The following RSF1 variants were observed in gnomAD, a reference collection of about 807,000 sequenced individuals.
RSF1 encodes HBV pX-associated protein 8.
A neutral mutation model predicts 145.2 loss-of-function variants in RSF1; 13 were observed. The observed-to-expected ratio is 0.09, with a 90% confidence interval of 0.06 to 0.14. RSF1 has a LOEUF of 0.14. Among genes scored for constraint, RSF1 ranks in the 10% least tolerant of loss-of-function variants. The pLI is 1.00. For synonymous variants in RSF1, 577 were observed against 592.6 expected (o/e 0.97, Z 0.38); for missense variants, 1,517 against 1,718.2 (o/e 0.88, Z 2.07).
At chr11:77,764,363 C>T in intron 2 of RSF1, 1 of 416,294 alleles carries the variant, frequency 2.4e-6, no homozygotes, top group Non-Finnish European at 4.2e-6. Context: ...GTCCTGAGCA[C>T]AGTGTTAGGC....
the RSF1 span, chr11:77,855,502 TG>T: frequency 5.2e-6 from 1 of 192,136 alleles, no homozygotes; most frequent in Admixed American, 6.0e-5. Context: ...TCTTTTTTTT[TG>T]TATTTTTAGT....
the RSF1 span, among the ~76,000 whole-genome samples, chr11:77,852,224 C>CAAATAAAAAAAAA: frequency 3.0e-5 from 1 of 33,530 alleles, no homozygotes; most frequent in African/African-American, 1.8e-4. Context: ...GACACTGTCT[C>CAAATAAAAAAAAA]AAAAAAAAAA....
At chr11:77,777,099 CTT>C (rs1025411273) in intron 1 of RSF1, among the ~76,000 whole-genome samples, 7 of 152,112 alleles carry the variant, frequency 4.6e-5, no homozygotes, top group African/African-American at 1.7e-4. Flanking sequence ...ATGAACAAGA[CTT>C]TTTTTCTTCT....
intron 1 of RSF1, among the ~76,000 whole-genome samples, chr11:77,777,453 C>T (rs1360995842): frequency 3.3e-5 from 5 of 151,938 alleles, no homozygotes; most frequent in African/African-American, 9.7e-5. Flanking sequence ...ATTAGCCAGG[C>T]GTGGTGGCGG....
intron 1 of RSF1, among the ~76,000 whole-genome samples, chr11:77,784,271 A>G (rs1021666061): frequency 1.3e-5 from 2 of 152,198 alleles, no homozygotes; most frequent in African/African-American, 4.8e-5. Flanking sequence ...TGCAGCATCC[A>G]ATCTTCTGTG....
At chr11:77,753,573 C>T (rs1948085976) in intron 2 of RSF1, among the ~76,000 whole-genome samples, 1 of 152,196 alleles carries the variant, frequency 6.6e-6, no homozygotes, top group Non-Finnish European at 1.5e-5. Context: ...TTTCTTAAAA[C>T]ATGAGAATTT....
intron 5 of RSF1, among the ~76,000 whole-genome samples, chr11:77,707,446 T>G (rs1370742089): frequency 6.6e-6 from 1 of 152,204 alleles, no homozygotes; most frequent in Non-Finnish European, 1.5e-5. Context: ...TAAGGTATAC[T>G]GCATTGAAGA....
chr11:77,740,541 C>T (rs906339113), intron 4 of RSF1, among the ~76,000 whole-genome samples, 190 bp downstream of exon 4: 1 of 152,096 alleles, frequency 6.6e-6, no homozygotes, highest in Non-Finnish European at 1.5e-5. Context: ...TGAATATACT[C>T]ATTTACTTGA....
chr11:77,871,493 G>A, the RSF1 span, among the ~76,000 whole-genome samples: 1 of 152,198 alleles, frequency 6.6e-6, no homozygotes, highest in African/African-American at 2.4e-5. Context: ...TAAACGCAGT[G>A]AGGAAAATGG....
intron 2 of RSF1, among the ~76,000 whole-genome samples, chr11:77,758,672 T>A (rs1036127758): frequency 2.0e-5 from 3 of 152,244 alleles, no homozygotes; most frequent in East Asian, 3.8e-4. Flanking sequence ...CGGTTTTGAA[T>A]CACATTTCCC....
chr11:77,843,978 G>A, the RSF1 span, among the ~76,000 whole-genome samples: 2 of 152,198 alleles, frequency 1.3e-5, no homozygotes, highest in East Asian at 1.9e-4. Flanking sequence ...TCACTATCAC[G>A]AGAGCAGCAC....
upstream of RSF1, among the ~76,000 whole-genome samples, chr11:77,823,458 G>C (rs1949024666): frequency 6.6e-6 from 1 of 151,192 alleles, no homozygotes; most frequent in Non-Finnish European, 1.5e-5. Flanking sequence ...GGGCGAGGTG[G>C]GGTGGCTCAT....
chr11:77,741,658 A>G (rs923882971), intron 3 of RSF1, among the ~76,000 whole-genome samples: 2 of 152,316 alleles, frequency 1.3e-5, no homozygotes, highest in East Asian at 1.9e-4. Flanking sequence ...GAATGGCTAA[A>G]CCAAGCTAAT....
At chr11:77,737,744 C>T (rs1452355393) in intron 4 of RSF1, among the ~76,000 whole-genome samples, 1 of 147,786 alleles carries the variant, frequency 6.8e-6, no homozygotes, top group Non-Finnish European at 1.5e-5. Flanking sequence ...CAGAAAGCAA[C>T]ACCAGGGGAA....
intron 2 of RSF1, among the ~76,000 whole-genome samples, chr11:77,751,340 C>A (rs920359540): frequency 6.6e-6 from 1 of 152,164 alleles, no homozygotes; most frequent in African/African-American, 2.4e-5. Flanking sequence ...TCCCTGGGGG[C>A]AGCTAGCCCC....
chr11:77,778,226 G>GTGGGGGAGGGAAGGGGAGAGCA (rs1565177682), intron 1 of RSF1, among the ~76,000 whole-genome samples: 1 of 38,560 alleles, frequency 2.6e-5, no homozygotes, highest in African/African-American at 1.1e-4. Context: ...AGGGGAGGGG[G>GTGGGGGAGGGAAGGGGAGAGCA]TGGGGGAGGG....
At chr11:77,821,967 A>C (rs1948928019), upstream of RSF1, among the ~76,000 whole-genome samples, 1 of 152,130 alleles carries the variant, frequency 6.6e-6, no homozygotes, top group African/African-American at 2.4e-5. Context: ...TTACTAGATA[A>C]ATCACAGTAA....
chr11:77,841,376 C>T, the RSF1 span: 2 of 585,672 alleles, frequency 3.4e-6, no homozygotes, highest in Non-Finnish European at 3.1e-6. Context: ...GAGTTTTTTC[C>T]TTGATTTTAT....
chr11:77,707,606 A>T (rs1259272396), intron 5 of RSF1, among the ~76,000 whole-genome samples: 2 of 152,226 alleles, frequency 1.3e-5, no homozygotes, highest in African/African-American at 4.8e-5. Flanking sequence ...TAAAATTCAA[A>T]AAGCAGTGAG....
Sources: gnomAD v4.1 joint callset for allele counts (sites outside exome capture counted in the v4.1 genomes callset) on GRCh38, gnomAD v4.1.1 for gene constraint, MANE v1.5 for transcripts, NCBI Gene and HGNC (gene_info 2026-07-23, HGNC 2026-07-21) for gene names.